DMGDH: variants seen among roughly 807,000 people sequenced by gnomAD.
DMGDH encodes the protein dimethylglycine dehydrogenase, also known as dimethylglycine dehydrogenase, mitochondrial.
Under a neutral mutation model 95.2 loss-of-function variants are expected in DMGDH, and 76 were observed. The ratio of observed to expected loss-of-function variants is 0.80; its 90% CI spans 0.66 to 0.97. DMGDH has a LOEUF of 0.97. Among genes scored for constraint, DMGDH ranks in the 50% least tolerant of loss-of-function variants. The pLI is 0.00. For missense variants in DMGDH, 987 were observed against 1,055.0 expected (o/e 0.94, Z 0.89); for synonymous variants, 345 against 377.6 (o/e 0.91, Z 1.00).
rs1754111822 is a variant in DMGDH, at chr5:79,029,998, T to C, written c.1720A>G (p.Lys574Glu). ...GTCAGCTCAGCATACACTCGACCCT[T>C]GGGTGTTAACATGTGACTTATATTT... ...FTNISHMLTPKGRVYAELTVS... is the reference protein window; with the variant it reads ...FTNISHMLTPEGRVYAELTVS... The change falls in exon 11 of 16, where the codon AAG becomes GAG. Residue 574 changes from lysine (K) to glutamate (E), a missense_variant. Lys to Glu is a moderately conservative substitution (Grantham distance 56). Transcript: ENST00000255189. The C allele has an allele frequency of 6.2e-7, 1 of 1,613,874 alleles. No individual in the cohort carries two copies. Among genetic ancestry groups the C allele is most frequent in the African/African-American group, 1.3e-5 (1 of 74,938 alleles).
At chr5:79,038,878 C>G (rs966979867) in intron 7 of DMGDH, among the ~76,000 whole-genome samples, 2 of 151,958 alleles carry the variant, frequency 1.3e-5, no homozygotes, top group Non-Finnish European at 2.9e-5. Flanking sequence ...ACAAACAACC[C>G]CATCAAAAAG....
At chr5:79,062,774 C>T (rs1320547650) in intron 2 of DMGDH, among the ~76,000 whole-genome samples, 1 of 152,086 alleles carries the variant, frequency 6.6e-6, no homozygotes, top group African/African-American at 2.4e-5. Context: ...CCTCAGGGGG[C>T]CAAACTGTCA....
intron 14 of DMGDH, 45 bp from the exon 15 acceptor site, chr5:79,005,452 T>C (rs1753529502): frequency 3.7e-6 from 6 of 1,613,152 alleles, no homozygotes; most frequent in Non-Finnish European, 5.1e-6. Flanking sequence ...GCTCAGACAC[T>C]GTGACAAGGT....
chr5:79,061,264 CACAA>C (rs777455885), intron 2 of DMGDH, among the ~76,000 whole-genome samples: 1 of 118,890 alleles, frequency 8.4e-6, no homozygotes, highest in South Asian at 2.9e-4. Context: ...CACACACACA[CACAA>C]ACACCTAATA....
chr5:79,052,493 G>A (rs999527827), intron 4 of DMGDH, among the ~76,000 whole-genome samples: 8 of 152,176 alleles, frequency 5.3e-5, no homozygotes, highest in Non-Finnish European at 8.8e-5. Flanking sequence ...TATAGGTCTT[G>A]TGCAAGGGAC....
intron 14 of DMGDH, among the ~76,000 whole-genome samples, chr5:79,016,151 T>C (rs984656054): frequency 2.6e-5 from 4 of 151,358 alleles, no homozygotes; most frequent in Non-Finnish European, 4.4e-5. Flanking sequence ...GGCAGGAGAA[T>C]CGCTTGAACC....
rs926365752 is a variant in DMGDH, at chr5:78,997,936, G to A, written c.*146C>T. ...TGTCTTGCTTAGAAAACACTTAACA[G>A]AAAGGTTTCATTAAGATTCTAAATT... On this transcript the variant is annotated 3_prime_UTR_variant, in exon 16 of 16. Transcript: ENST00000255189. 4 of 798,774 alleles carry A rather than the reference G, an allele frequency of 5.0e-6. No homozygotes were observed. Among genetic ancestry groups the A allele is most frequent in the Admixed American group, 5.3e-5 (2 of 38,068 alleles). The allele number at this position is 798,774 out of a possible 1,614,324, so 49.5% of individuals were successfully genotyped here.
chr5:79,007,547 C>A (rs1280205624), intron 14 of DMGDH, among the ~76,000 whole-genome samples: 1 of 151,950 alleles, frequency 6.6e-6, no homozygotes, highest in Non-Finnish European at 1.5e-5. Context: ...ATAATGATGA[C>A]AAGGGGTGCT....
intron 7 of DMGDH, among the ~76,000 whole-genome samples, chr5:79,038,743 G>A: frequency 6.6e-6 from 1 of 152,130 alleles, no homozygotes; most frequent in East Asian, 1.9e-4. Flanking sequence ...GTAGCTTCAG[G>A]ATGGGGGCTG....
At chr5:79,040,678 C>A (rs902694873) in intron 7 of DMGDH, among the ~76,000 whole-genome samples, 1 of 152,160 alleles carries the variant, frequency 6.6e-6, no homozygotes, top group African/African-American at 2.4e-5. Flanking sequence ...AAACAACCCA[C>A]AGAATGGGAG....
chr5:79,044,665 A>T, intron 5 of DMGDH, 113 bp from the exon 6 acceptor site: 3 of 1,180,180 alleles, frequency 2.5e-6, no homozygotes, highest in Non-Finnish European at 3.6e-6. Flanking sequence ...TACTCATGGC[A>T]AAGTCTAATA....
intron 15 of DMGDH, among the ~76,000 whole-genome samples, chr5:79,001,957 C>T (rs189307301): frequency 1.3e-5 from 2 of 152,280 alleles, no homozygotes; most frequent in Admixed American, 6.5e-5. Flanking sequence ...ATCCATTCTG[C>T]CTTTTAGTTC....
chr5:79,009,357 TTTCTTTTC>T (rs1296521173), intron 14 of DMGDH, among the ~76,000 whole-genome samples: 42 of 90,890 alleles, frequency 4.6e-4, no homozygotes, highest in African/African-American at 2.3e-3. Flanking sequence ...TTTCTTTTCT[TTTCTTTTC>T]TTTTTTTTTT....
intron 7 of DMGDH, among the ~76,000 whole-genome samples, chr5:79,034,981 T>C (rs948244603): frequency 2.4e-4 from 33 of 135,376 alleles, no homozygotes; most frequent in African/African-American, 5.1e-4. Context: ...GGCATGAACC[T>C]GGGAGGCGGA....
At chr5:79,052,337 A>T (rs1201624980) in intron 4 of DMGDH, among the ~76,000 whole-genome samples, 3 of 152,182 alleles carry the variant, frequency 2.0e-5, no homozygotes. Context: ...GTTGAGAGGC[A>T]TTCACTCTTC....
At chr5:79,060,067 G>A (rs544271160) in intron 2 of DMGDH, among the ~76,000 whole-genome samples, 6 of 152,282 alleles carry the variant, frequency 3.9e-5, no homozygotes, top group East Asian at 1.9e-4. Context: ...CCAACCTCCC[G>A]CGTAGTCAAC....
intron 9 of DMGDH, 151 bp downstream of exon 9, chr5:79,032,536 C>T (rs1332618990): frequency 2.7e-6 from 3 of 1,105,792 alleles, no homozygotes; most frequent in Non-Finnish European, 4.1e-6. Context: ...ACTAATGCCA[C>T]CACTGCCAGA....
At position 79,055,895 on chromosome 5, in the gene DMGDH, G is replaced by A. The variant is rs1047988012; in HGVS notation, c.290C>T (p.Thr97Ile). The change falls in exon 3 of 16, where the codon ACT becomes ATT. Residue 97 changes from threonine to isoleucine, a missense_variant. Physicochemically the swap from Thr to Ile is moderately conservative, Grantham distance 89. Transcript: ENST00000255189. ...GSTWHAAGLT[T>I]YFHPGINLKK... The stretch of plus-strand genomic sequence containing the variant: ...CAAGTTTATTCCAGGATGAAAGTAA[G>A]TTGTTAAACCTGCCTTAAAAGCAGA... 11 of 1,608,172 alleles carry A rather than the reference G, an allele frequency of 6.8e-6. No individual in the cohort carries two copies. In the African/African-American group the frequency reaches 8.0e-5, roughly 12 times the overall value.
At chr5:78,999,417 G>A (rs2112595385) in intron 15 of DMGDH, among the ~76,000 whole-genome samples, 1 of 152,064 alleles carries the variant, frequency 6.6e-6, no homozygotes, top group Admixed American at 6.6e-5. Flanking sequence ...TGCAAGCTCC[G>A]CCTCCCAGGT....
Sources: gnomAD v4.1 joint callset for allele counts (sites outside exome capture counted in the v4.1 genomes callset) on GRCh38, gnomAD v4.1.1 for gene constraint, MANE v1.5 for transcripts, NCBI Gene and HGNC (gene_info 2026-07-23, HGNC 2026-07-21) for gene names.